Variants in PTGES3 observed in about 807,000 individuals in gnomAD.
PTGES3 encodes the protein prostaglandin E synthase 3.
Under a neutral mutation model 29.9 loss-of-function variants are expected in PTGES3, and 5 were observed. The observed-to-expected ratio is 0.17, with a 90% CI of 0.09 to 0.35. PTGES3 has a LOEUF of 0.35. Among genes scored for constraint, PTGES3 ranks in the 10% least tolerant of loss-of-function variants. PTGES3 has a pLI of 1.00. For synonymous variants in PTGES3, 49 were observed against 57.8 expected (o/e 0.85, Z 0.69); for missense variants, 128 against 190.0 (o/e 0.67, Z 1.92).
chr12:56,686,020 C>CT (rs1310255520), intron 1 of PTGES3, among the ~76,000 whole-genome samples: 4 of 152,058 alleles, frequency 2.6e-5, no homozygotes, highest in Non-Finnish European at 5.9e-5. Context: ...CGTGTTCCGC[C>CT]TGCCTCGGCC....
rs558112113 is a variant in PTGES3, at chr12:56,673,720, G to C, written c.3-655C>G. On this transcript the variant is annotated intron_variant, in intron 1 of 7. Coordinates refer to ENST00000262033, the MANE Select transcript of PTGES3 (RefSeq NM_006601.7). Reference sequence around the variant, plus strand: ...AGGCAGGAGCATCGCTTGAACCTGGGAGGCGGAGGTTGCAATGAGCCGAGA... The same window carrying C: ...AGGCAGGAGCATCGCTTGAACCTGGCAGGCGGAGGTTGCAATGAGCCGAGA... 1.4e-3 allele frequency among the ~76,000 whole-genome samples: 214 copies of C among 150,688 alleles called. 1 individual carries two copies. Among genetic ancestry groups the C allele is most frequent in the African/African-American group, 5.0e-3 (206 of 40,888 alleles).
intron 5 of PTGES3, among the ~76,000 whole-genome samples, chr12:56,666,753 G>A (rs1592239612): frequency 6.6e-6 from 1 of 151,808 alleles, no homozygotes; most frequent in African/African-American, 2.4e-5. Flanking sequence ...CGGCCTCCAG[G>A]GTAGCTGGGA....
chr12:56,672,840 C>T (rs1484164040), intron 2 of PTGES3, 31 bp from the exon 3 acceptor site: 2 of 1,552,264 alleles, frequency 1.3e-6, no homozygotes, highest in Non-Finnish European at 1.7e-6. Context: ...AGAATTAAGC[C>T]TCTTCAAAGA....
At chr12:56,668,582 G>A (rs560069884) in intron 5 of PTGES3, among the ~76,000 whole-genome samples, 57 of 152,252 alleles carry the variant, frequency 3.7e-4, no homozygotes, top group African/African-American at 1.3e-3. Context: ...TAGGTAAATG[G>A]TGGCACCGAT....
intron 1 of PTGES3, chr12:56,687,248 A>G (rs1952918564): frequency 3.0e-6 from 3 of 1,013,816 alleles, no homozygotes; most frequent in Non-Finnish European, 2.4e-6. Flanking sequence ...GTGAAACCTC[A>G]CCTCAAGTAG....
intron 2 of PTGES3, 58 bp downstream of exon 2, chr12:56,672,894 A>C: frequency 6.4e-7 from 1 of 1,557,660 alleles, no homozygotes; most frequent in Non-Finnish European, 8.7e-7. Flanking sequence ...AAGCCAGTCA[A>C]AGTTATTCAG....
At chr12:56,670,955 A>G (rs1326888212) in intron 4 of PTGES3, among the ~76,000 whole-genome samples, 1 of 152,098 alleles carries the variant, frequency 6.6e-6, no homozygotes, top group Non-Finnish European at 1.5e-5. Flanking sequence ...AAACAAAAAA[A>G]CAAATTTCCT....
intron 1 of PTGES3, among the ~76,000 whole-genome samples, chr12:56,681,537 C>CAAAAAAAAA (rs34581651): frequency 3.9e-5 from 1 of 25,690 alleles, no homozygotes. Context: ...GACTCCATCT[C>CAAAAAAAAA]AAAAAAAAAA....
rs1592247364 is a variant in PTGES3 at position 56,670,258 on chromosome 12, C to T, written c.375+17G>A. On this transcript the variant is annotated intron_variant, in intron 5 of 7. Coordinates refer to ENST00000262033, the MANE Select transcript of PTGES3 (RefSeq NM_006601.7). The stretch of plus-strand genomic sequence containing the variant: ...CGTGTGCTTCGAATGGGGAGAGGTC[C>T]ATTTAAAGGAACTTACCTCAGAGAA... 3.2e-6 allele frequency: 5 copies of T among 1,554,390 alleles called. No individual in the cohort carries two copies. In the East Asian group the frequency reaches 1.1e-4, roughly 35 times the overall value.
At chr12:56,685,601 C>T (rs1300224880) in intron 1 of PTGES3, among the ~76,000 whole-genome samples, 3 of 151,218 alleles carry the variant, frequency 2.0e-5, no homozygotes, top group Non-Finnish European at 2.9e-5. Context: ...GGGGTTTCAC[C>T]GTGTTAGCCA....
chr12:56,678,502 G>C (rs1165551621), intron 1 of PTGES3, among the ~76,000 whole-genome samples: 1 of 152,134 alleles, frequency 6.6e-6, no homozygotes, highest in Non-Finnish European at 1.5e-5. Flanking sequence ...AATAAAATGT[G>C]CATTGCACAT....
intron 6 of PTGES3, chr12:56,665,779 T>C: frequency 1.5e-6 from 1 of 670,484 alleles, no homozygotes; most frequent in Non-Finnish European, 1.8e-6. Context: ...TAGCTGGGAT[T>C]ACAGGCACCT....
intron 1 of PTGES3, among the ~76,000 whole-genome samples, chr12:56,681,537 CAAAA>C (rs34581651): frequency 1.2e-4 from 3 of 25,686 alleles, no homozygotes; most frequent in Non-Finnish European, 1.2e-4. Context: ...GACTCCATCT[CAAAA>C]AAAAAAAAAA....
At chr12:56,668,975 T>C (rs1951888130) in intron 5 of PTGES3, among the ~76,000 whole-genome samples, 1 of 151,466 alleles carries the variant, frequency 6.6e-6, no homozygotes. Flanking sequence ...ACTTTTTTCC[T>C]TGTATATCTC....
intron 1 of PTGES3, among the ~76,000 whole-genome samples, chr12:56,675,813 C>G (rs1952213356): frequency 6.6e-6 from 1 of 152,092 alleles, no homozygotes; most frequent in African/African-American, 2.4e-5. Flanking sequence ...ATCCCAGCTA[C>G]TCAGGATGCT....
rs371679903 is a variant in PTGES3 at position 56,670,368 on chromosome 12, T to C, written c.286-4A>G. 7 of 1,594,596 alleles carry C rather than the reference T, an allele frequency of 4.4e-6. No individual in the cohort carries two copies. The highest frequency in any genetic ancestry group is 4.0e-5 in the African/African-American group (3 of 74,512). On this transcript the variant is annotated splice_polypyrimidine_tract_variant and splice_region_variant and intron_variant, in intron 4 of 7. Transcript: ENST00000262033. ...AGTCGACACTAAGCCAATTAAGCTA[T>C]AAATCAATACAAATATCACCCTAAG...
At chr12:56,682,039 G>A (rs2137704962) in intron 1 of PTGES3, among the ~76,000 whole-genome samples, 1 of 152,106 alleles carries the variant, frequency 6.6e-6, no homozygotes, top group East Asian at 2.0e-4. Context: ...TAGAGACAGG[G>A]TTTCACCATG....
intron 1 of PTGES3, among the ~76,000 whole-genome samples, chr12:56,680,755 C>T (rs545044865): frequency 2.0e-5 from 3 of 149,392 alleles, no homozygotes; most frequent in East Asian, 3.9e-4. Context: ...CACCCTCCAC[C>T]CACTTGTAGT....
In PTGES3 at chr12:56,666,650, CAG is replaced by C. The variant is rs141057819; in HGVS notation, c.376-386_376-385del. On this transcript the variant is annotated intron_variant, in intron 5 of 7. Coordinates refer to ENST00000262033, the MANE Select transcript of PTGES3 (RefSeq NM_006601.7). ...TTAAGGTATTCTTTTTTTTTTGAGA[CAG>C]AGTCTAGCTTTGTCGTCCAAGCTGG... is the stretch of plus-strand genomic sequence containing the variant. Among the ~76,000 whole-genome samples the C allele has an allele frequency of 3.4e-3, 515 of 151,644 alleles. 16 individuals carry two copies. The East Asian group carries it at 0.085, about 25-fold the overall frequency.
Sources: gnomAD v4.1 joint callset for allele counts (sites outside exome capture counted in the v4.1 genomes callset) on GRCh38, gnomAD v4.1.1 for gene constraint, MANE v1.5 for transcripts, NCBI Gene and HGNC (gene_info 2026-07-23, HGNC 2026-07-21) for gene names.